Variants in KLHDC7B observed in about 807,000 individuals in gnomAD.
KLHDC7B encodes kelch domain-containing protein 7B.
KLHDC7B carries 1 observed loss-of-function variant against 0.6 expected under a neutral mutation model. The observed-to-expected ratio is 1.71, with a 90% confidence interval of 0.61 to 8.11. The LOEUF is 8.11. Ranked by LOEUF, KLHDC7B falls within the 30% of genes most tolerant of loss-of-function variation. The pLI is 0.13. For missense variants in KLHDC7B, 993 were observed against 894.9 expected (o/e 1.11, Z -1.40); for synonymous variants, 462 against 405.2 (o/e 1.14, Z -1.68).
rs1327161813 is a variant in KLHDC7B, at chr22:50,546,183, G to A, written c.-61G>A. Among the ~76,000 whole-genome samples the A allele has an allele frequency of 2.0e-5, 3 of 152,198 alleles. No homozygotes were observed. Among genetic ancestry groups the A allele is most frequent in the Non-Finnish European group, 4.4e-5 (3 of 68,016 alleles). On this transcript the variant is annotated 5_prime_UTR_variant, in exon 1 of 1. Coordinates refer to ENST00000648057, the MANE Select transcript of KLHDC7B (RefSeq NM_138433.5). Reference sequence around the variant, plus strand: ...AGGCGCTGGCCGGTGCCTCAGCCCAGGCCTCTGTGCTCTGCATGCACTGCC... The same window carrying A: ...AGGCGCTGGCCGGTGCCTCAGCCCAAGCCTCTGTGCTCTGCATGCACTGCC...
chr22:50,545,964 C>G lies in KLHDC7B; in HGVS notation c.-280C>G, dbSNP rs771522999. On this transcript the variant is annotated 5_prime_UTR_variant, in exon 1 of 1. The change creates a premature stop within an existing upstream ORF in the 5' untranslated region. Coordinates refer to ENST00000648057, the MANE Select transcript of KLHDC7B (RefSeq NM_138433.5). ...CGCTGCCTGAGGACCCTGGGGCCTA[C>G]GAGGAGGAGAAGAGGGCAGGAGCTG... Among the ~76,000 whole-genome samples the G allele has an allele frequency of 7.0e-6, 1 of 143,556 alleles. No individual in the cohort carries two copies. Among genetic ancestry groups the G allele is most frequent in the African/African-American group, 2.5e-5 (1 of 40,412 alleles). The allele number at this position is 143,556 out of a possible 152,430, so 94.2% of individuals were successfully genotyped here. A position where few individuals can be genotyped will look rare whatever the true frequency, so the allele number is the denominator to read the frequency against.
Position 50,549,197 on chromosome 22 carries a change from T to C in KLHDC7B, c.2954T>C (p.Leu985Pro). ...PLTQVPEEAP[L>P]RGCGLCTMHN... ...ACCCAGGTGCCCGAGGAGGCCCCGC[T>C]TCGGGGCTGCGGTCTCTGCACCATG... Residue 985 changes from leucine to proline, a missense_variant, in exon 1 of 1, where the codon CTT becomes CCT. Coordinates refer to ENST00000648057, the MANE Select transcript of KLHDC7B (RefSeq NM_138433.5). 1 of 1,606,614 alleles carries C rather than the reference T, an allele frequency of 6.2e-7. No individual in the cohort carries two copies. The highest frequency in any genetic ancestry group is 8.5e-7 in the Non-Finnish European group (1 of 1,179,762).
chr22:50,548,414 G>A lies in KLHDC7B; in HGVS notation c.2171G>A (p.Arg724Lys), dbSNP rs779288007. Residue 724 changes from arginine (R) to lysine (K), a missense_variant, in exon 1 of 1, where the codon AGA becomes AAA. By Grantham distance (26) the Arg-to-Lys change is conservative (BLOSUM62 2). Transcript: ENST00000648057. This position sits in a 1 kb window ranked among gnomAD's most constrained non-coding sequence, Gnocchi z 5.3. Reference protein sequence around the residue: ...SPSPDPPPGLRGEGTREKSLD... With the variant: ...SPSPDPPPGLKGEGTREKSLD... ...AGCCCAGACCCTCCCCCAGGCCTAA[G>A]AGGAGAGGGAACCAGGGAGAAAAGT... is the stretch of plus-strand genomic sequence containing the variant. 4 of 1,565,564 alleles carry A rather than the reference G, an allele frequency of 2.6e-6. No homozygotes were observed. Among genetic ancestry groups the A allele is most frequent in the African/African-American group, 1.3e-5 (1 of 74,134 alleles).
upstream of KLHDC7B, chr22:50,547,884 AACCCCAGTCCC>A: frequency 3.2e-6 from 1 of 309,272 alleles, no homozygotes; most frequent in Non-Finnish European, 5.6e-6. Flanking sequence ...CCCCAGCCCT[AACCCCAGTCCC>A]AACCCCAGCC....
At position 50,546,914 on chromosome 22, in the gene KLHDC7B, T is replaced by C. The variant is rs564867710; in HGVS notation, c.671T>C (p.Met224Thr). Among the ~76,000 whole-genome samples the C allele has an allele frequency of 4.6e-5, 7 of 151,816 alleles. No individual in the cohort carries two copies. Among genetic ancestry groups the C allele is most frequent in the Non-Finnish European group, 7.4e-5 (5 of 67,848 alleles). ...GCGGGCGCGGGGCCCTCGGGCTCGA[T>C]GGGGAGAGGCCGGGGCCGGCGGCGG... is the stretch of plus-strand genomic sequence containing the variant. Reference protein sequence around the residue: ...WQAGAGPSGSMGRGRGRRRRM... With the variant: ...WQAGAGPSGSTGRGRGRRRRM... The change falls in exon 1 of 1, where the codon ATG (methionine) becomes ACG (threonine). Residue 224 changes from methionine (M) to threonine (T), a missense_variant. Transcript: ENST00000648057.
At position 50,547,652 on chromosome 22, in the gene KLHDC7B, A is replaced by G; in HGVS notation, c.1409A>G (p.Gln470Arg). 2.5e-6 allele frequency: 1 copy of G among 407,384 alleles called. No individual in the cohort carries two copies. The highest frequency in any genetic ancestry group is 4.3e-6 in the Non-Finnish European group (1 of 231,314). The allele number at this position is 407,384 out of a possible 1,614,324, so 25.2% of individuals were successfully genotyped here. A position where few individuals can be genotyped will look rare whatever the true frequency, so the allele number is the denominator to read the frequency against. ...CCAGCCCCAAGTTCAGCCTCAGCCC[A>G]AGTCTTAACTTCAGCTCCAGCCTCA... ...AAPAPSSASA[Q>R]VLTSAPASVL... Residue 470 changes from glutamine (Q) to arginine (R), a missense_variant, in exon 1 of 1, where the codon CAA (glutamine) becomes CGA (arginine). By Grantham distance (43) the Gln-to-Arg change is conservative. Coordinates refer to ENST00000648057, the MANE Select transcript of KLHDC7B (RefSeq NM_138433.5).
Position 50,550,306 on chromosome 22 carries a change from C to T in KLHDC7B, c.*355C>T, listed in dbSNP as rs1303663634. The T allele has an allele frequency of 1.4e-5, 4 of 281,368 alleles. No individual in the cohort carries two copies. The highest frequency in any genetic ancestry group is 8.8e-5 in the African/African-American group (4 of 45,438). The allele number at this position is 281,368 out of a possible 1,614,324, so 17.4% of individuals were successfully genotyped here. ...TTGGCTCGCTGGAGCTCTGCTGAGC[C>T]GAGAGAGGAGGGGGTAGAAAACATT... On this transcript the variant is annotated 3_prime_UTR_variant, in exon 1 of 1. Transcript: ENST00000648057.
rs765791791 is a variant in KLHDC7B, at chr22:50,550,263, G to A, written c.*312G>A. ...ATTCCCTAGAGCCAGGGACTGATGC[G>A]TCTCCACAGACAAGGACTTGGCTCG... is the stretch of plus-strand genomic sequence containing the variant. On this transcript the variant is annotated 3_prime_UTR_variant, in exon 1 of 1. Transcript: ENST00000648057. 4.4e-5 allele frequency: 16 copies of A among 363,538 alleles called. No homozygotes were observed. In the South Asian group the frequency reaches 9.7e-4, roughly 22 times the overall value. 22.5% of individuals were successfully genotyped at this position (363,538 alleles called of 1,614,324 possible). A position where few individuals can be genotyped will look rare whatever the true frequency, so the allele number is the denominator to read the frequency against.
upstream of KLHDC7B, chr22:50,547,899 CCCAGCCCTAAGCCCAG>C: frequency 7.7e-6 from 3 of 389,670 alleles, no homozygotes; most frequent in Non-Finnish European, 8.9e-6. Flanking sequence ...CAGTCCCAAC[CCCAGCCCTAAGCCCAG>C]CTCCAACTCC....
At position 50,548,776 on chromosome 22, in the gene KLHDC7B, C is replaced by T. The variant is rs1051575969; in HGVS notation, c.2533C>T (p.Arg845Trp). Reference protein sequence around the residue: ...VVEGPRKPSSRALEPATAAAL... With the variant: ...VVEGPRKPSSWALEPATAAAL... ...GGAGGGGCCCCGGAAGCCCAGCTCC[C>T]GGGCCCTGGAGCCCGCCACGGCGGC... The change falls in exon 1 of 1, where the codon CGG (arginine) becomes TGG (tryptophan). Residue 845 changes from arginine (R) to tryptophan (W), a missense_variant. Transcript: ENST00000648057. The surrounding 1 kb of genome is among the most constrained non-coding windows in gnomAD (Gnocchi z 5.3). The T allele has an allele frequency of 6.9e-6, 10 of 1,450,396 alleles. No homozygotes were observed. The highest frequency in any genetic ancestry group is 2.2e-4 in the Middle Eastern group (1 of 4,590). The allele number at this position is 1,450,396 out of a possible 1,614,324, so 89.8% of individuals were successfully genotyped here.
In KLHDC7B at chr22:50,548,810, G is replaced by A; in HGVS notation, c.2567G>A (p.Arg856Gln). ...ALEPATAAALRRRLDLGSCLD... is the reference protein window; with the variant it reads ...ALEPATAAALQRRLDLGSCLD... ...GAGCCCGCCACGGCGGCAGCCCTGCGGCGGCGGCTGGACCTGGGCAGTTGC... is the reference window on the plus strand; with the variant it reads ...GAGCCCGCCACGGCGGCAGCCCTGCAGCGGCGGCTGGACCTGGGCAGTTGC... The change falls in exon 1 of 1, where the codon CGG becomes CAG. Residue 856 changes from arginine (R) to glutamine (Q), a missense_variant. Coordinates refer to ENST00000648057, the MANE Select transcript of KLHDC7B (RefSeq NM_138433.5). The surrounding 1 kb of genome is among the most constrained non-coding windows in gnomAD (Gnocchi z 5.3). 6 of 1,481,932 alleles carry A rather than the reference G, an allele frequency of 4.0e-6. No homozygotes were observed. The highest frequency in any genetic ancestry group is 1.3e-5 in the South Asian group (1 of 75,734). 91.8% of individuals were successfully genotyped at this position (1,481,932 alleles called of 1,614,324 possible).
In KLHDC7B at chr22:50,547,063, C is replaced by T. The variant is rs1261063756; in HGVS notation, c.820C>T (p.Arg274Cys). ...GGCCGCCGCCCTGGACGCCCACGCG[C>T]GCGGCCTCCCCACAGGACCCCCACT... ...DGAAALDAHA[R>C]GLPTGPPLAQ... The change falls in exon 1 of 1, where the codon CGC becomes TGC. Residue 274 changes from arginine to cysteine, a missense_variant. Coordinates refer to ENST00000648057, the MANE Select transcript of KLHDC7B (RefSeq NM_138433.5). Among the ~76,000 whole-genome samples the T allele has an allele frequency of 6.6e-6, 1 of 151,758 alleles. No individual in the cohort carries two copies. Among genetic ancestry groups the T allele is most frequent in the East Asian group, 1.9e-4 (1 of 5,166 alleles).
chr22:50,549,132 G>T lies in KLHDC7B; in HGVS notation c.2889G>T (p.Leu963=). The T allele has an allele frequency of 6.2e-7, 1 of 1,603,020 alleles. No individual in the cohort carries two copies. ...TGTCCCTGCCTCTACCTGCGCACCTGCATGTGTTCAACCCCCGGGAGAACA... is the reference window on the plus strand; with the variant it reads ...TGTCCCTGCCTCTACCTGCGCACCTTCATGTGTTCAACCCCCGGGAGAACA... The part of the protein sequence containing the change: ...APVSLPLPAH[L]HVFNPRENTW... Residue 963 remains leucine, a synonymous_variant, in exon 1 of 1, where the codon CTG becomes CTT. Coordinates refer to ENST00000648057, the MANE Select transcript of KLHDC7B (RefSeq NM_138433.5).
Position 50,549,022 on chromosome 22 carries a change from C to G in KLHDC7B, c.2779C>G (p.Leu927Val), listed in dbSNP as rs1376875643. Residue 927 changes from leucine to valine, a missense_variant, in exon 1 of 1, where the codon CTC becomes GTC. Transcript: ENST00000648057. ...CCGGGGCCGGGCGGTGCTGGGCGTC[C>G]TCGTACTGCCCAGCCTCTACCAGGG... ...TGRGRAVLGV[L>V]VLPSLYQGGR... 6.3e-7 allele frequency: 1 copy of G among 1,596,488 alleles called. No homozygotes were observed.
rs977064182 is a variant in KLHDC7B at position 50,547,517 on chromosome 22, C to T, written c.1274C>T (p.Ala425Val). 1.3e-5 allele frequency: 5 copies of T among 397,858 alleles called. No homozygotes were observed. The highest frequency in any genetic ancestry group is 4.4e-5 in the Admixed American group (1 of 22,676). The allele number at this position is 397,858 out of a possible 1,614,324, so 24.6% of individuals were successfully genotyped here. ...CCGCGCTCCGCCTCCCCGCCCGCAG[C>T]TCCCGGCCCGGGGTTCCCACCTGAA... ...PRPRSASPPA[A>V]PGPGFPPEAL... The change falls in exon 1 of 1, where the codon GCT (alanine) becomes GTT (valine). Residue 425 changes from alanine to valine, a missense_variant. Transcript: ENST00000648057.
chr22:50,546,409 G>A lies in KLHDC7B; in HGVS notation c.166G>A (p.Glu56Lys). ...FGSGHDQEAA[E>K]PVSTALGAQP... ...CTCCGGGCACGATCAAGAGGCGGCA[G>A]AACCGGTGTCCACAGCCCTCGGGGC... Residue 56 changes from glutamate to lysine, a missense_variant, in exon 1 of 1, where the codon GAA becomes AAA. By Grantham distance (56) the Glu-to-Lys change is moderately conservative. Coordinates refer to ENST00000648057, the MANE Select transcript of KLHDC7B (RefSeq NM_138433.5). 1 of 399,320 alleles carries A rather than the reference G, an allele frequency of 2.5e-6. No individual in the cohort carries two copies. The highest frequency in any genetic ancestry group is 4.4e-6 in the Non-Finnish European group (1 of 226,298). The allele number at this position is 399,320 out of a possible 1,614,324, so 24.7% of individuals were successfully genotyped here.
In KLHDC7B at chr22:50,548,642, C is replaced by CG; in HGVS notation, c.481dup (p.Glu161GlyfsTer427). ...TCGGGGGACCCTCAAGGGGAGGCGC[C>CG]GGGGGAGGGGGGCAGCCCTGCCGGC... On this transcript the variant is annotated frameshift_variant, in exon 1 of 1. Transcript: ENST00000395676. LOFTEE classifies it low-confidence loss of function (END_TRUNC). This position sits in a 1 kb window ranked among gnomAD's most constrained non-coding sequence, Gnocchi z 5.3. 1 of 1,531,466 alleles carries CG rather than the reference C, an allele frequency of 6.5e-7. No homozygotes were observed. The highest frequency in any genetic ancestry group is 1.2e-5 in the South Asian group (1 of 82,592). 94.9% of individuals were successfully genotyped at this position (1,531,466 alleles called of 1,614,324 possible).
chr22:50,548,395 G>A lies in KLHDC7B; in HGVS notation c.2152G>A (p.Asp718Asn). The A allele has an allele frequency of 6.4e-7, 1 of 1,555,646 alleles. No individual in the cohort carries two copies. The highest frequency in any genetic ancestry group is 2.4e-5 in the East Asian group (1 of 41,868). The stretch of plus-strand genomic sequence containing the variant: ...CGAGACCAACGGATCGCCCAGCCCA[G>A]ACCCTCCCCCAGGCCTAAGAGGAGA... The part of the protein sequence containing the change: ...SSETNGSPSP[D>N]PPPGLRGEGT... The change falls in exon 1 of 1, where the codon GAC becomes AAC. Residue 718 changes from aspartate (D) to asparagine (N), a missense_variant. Physicochemically the swap from Asp to Asn is conservative, Grantham distance 23 (BLOSUM62 1). Coordinates refer to ENST00000648057, the MANE Select transcript of KLHDC7B (RefSeq NM_138433.5). This position sits in a 1 kb window ranked among gnomAD's most constrained non-coding sequence, Gnocchi z 5.3.
Position 50,550,993 on chromosome 22 carries a change from G to T in KLHDC7B, c.*1042G>T. The T allele has an allele frequency of 2.2e-6, 1 of 447,094 alleles. No homozygotes were observed. The highest frequency in any genetic ancestry group is 4.2e-6 in the Non-Finnish European group (1 of 238,142). The allele number at this position is 447,094 out of a possible 1,614,324, so 27.7% of individuals were successfully genotyped here. A position where few individuals can be genotyped will look rare whatever the true frequency, so the allele number is the denominator to read the frequency against. On this transcript the variant is annotated 3_prime_UTR_variant, in exon 1 of 1. Coordinates refer to ENST00000648057, the MANE Select transcript of KLHDC7B (RefSeq NM_138433.5). ...TTTTATTCTATGTTCAGCACCACTGGCACCAAATACATTTTAATTCACCGA... is the reference window on the plus strand; with the variant it reads ...TTTTATTCTATGTTCAGCACCACTGTCACCAAATACATTTTAATTCACCGA...
Sources: gnomAD v4.1 joint callset for allele counts (sites outside exome capture counted in the v4.1 genomes callset) on GRCh38, gnomAD v4.1.1 for gene constraint, Gnocchi (gnomAD v3.1) non-coding constraint, MANE v1.5 for transcripts, NCBI Gene and HGNC (gene_info 2026-07-23, HGNC 2026-07-21) for gene names.